LRP1B: variants seen among roughly 807,000 people sequenced by gnomAD.
LRP1B encodes low-density lipoprotein receptor-related protein 1B.
A neutral mutation model predicts 556.6 loss-of-function variants in LRP1B; 217 were observed. The observed-to-expected ratio is 0.39, with a 90% CI of 0.35 to 0.44. The LOEUF (loss-of-function observed/expected upper bound fraction) is 0.44. LRP1B is among the 20% of genes least tolerant of loss of function. The pLI is 1.00. For missense variants in LRP1B, 5,053 were observed against 5,620.8 expected, an observed-to-expected ratio of 0.90 and a Z score of 3.23; for synonymous variants, 2,047 against 1,865.8, an observed-to-expected ratio of 1.10 and a Z score of -2.50.
intron 57 of LRP1B, among the ~76,000 whole-genome samples, chr2:140,490,268 G>A (rs900978310): frequency 1.3e-5 from 2 of 152,192 alleles, no homozygotes; most frequent in Admixed American, 1.3e-4. Context: ...ATATTGGAAA[G>A]GTACTTGATT....
intron 2 of LRP1B, among the ~76,000 whole-genome samples, chr2:141,602,043 T>C (rs1687765405): frequency 6.6e-6 from 1 of 152,088 alleles, no homozygotes; most frequent in Non-Finnish European, 1.5e-5. Flanking sequence ...GCAGAGCAAA[T>C]GACTTGAATT....
chr2:141,603,536 A>G (rs1270697329), intron 2 of LRP1B, among the ~76,000 whole-genome samples: 1 of 152,138 alleles, frequency 6.6e-6, no homozygotes, highest in Non-Finnish European at 1.5e-5. Context: ...TTATAGTGGG[A>G]TCATTCAGAA....
At chr2:140,809,008 C>T (rs950166396) in intron 32 of LRP1B, among the ~76,000 whole-genome samples, 1 of 151,864 alleles carries the variant, frequency 6.6e-6, no homozygotes, top group Non-Finnish European at 1.5e-5. Flanking sequence ...TCTAGTGGTA[C>T]AGTTGGGTGT....
At chr2:141,531,384 G>A (rs1048650452) in intron 2 of LRP1B, among the ~76,000 whole-genome samples, 12 of 151,782 alleles carry the variant, frequency 7.9e-5, no homozygotes, top group Admixed American at 5.9e-4. Context: ...TTCAGATAAC[G>A]TATTAACATA....
chr2:141,343,757 G>A (rs989489184), intron 3 of LRP1B, among the ~76,000 whole-genome samples: 6 of 152,166 alleles, frequency 3.9e-5, no homozygotes, highest in Non-Finnish European at 8.8e-5. Flanking sequence ...CTTACAGGTT[G>A]CTTTTTACCT....
At chr2:140,532,541 C>T (rs920739901) in intron 47 of LRP1B, among the ~76,000 whole-genome samples, 4 of 151,940 alleles carry the variant, frequency 2.6e-5, no homozygotes, top group African/African-American at 7.2e-5. Context: ...GGACTACAGG[C>T]GAGTGCAACC....
chr2:142,052,610 C>G (rs1462597533), intron 1 of LRP1B, among the ~76,000 whole-genome samples: 1 of 152,146 alleles, frequency 6.6e-6, no homozygotes, highest in East Asian at 1.9e-4. Context: ...CTCCCCCTCA[C>G]GTGTAATGGC....
intron 86 of LRP1B, among the ~76,000 whole-genome samples, chr2:140,249,889 G>A (rs1306191574): frequency 6.6e-6 from 1 of 151,786 alleles, no homozygotes; most frequent in Non-Finnish European, 1.5e-5. Context: ...GCCATTAATG[G>A]CAGAGCATTT....
chr2:141,265,242 C>A (rs555391431), intron 3 of LRP1B, among the ~76,000 whole-genome samples: 1 of 152,202 alleles, frequency 6.6e-6, no homozygotes, highest in East Asian at 1.9e-4. Context: ...AGGACACACA[C>A]CCAGGGTGCC....
intron 1 of LRP1B, among the ~76,000 whole-genome samples, chr2:141,871,809 A>G (rs1164139283): frequency 2.0e-5 from 3 of 151,996 alleles, no homozygotes; most frequent in Admixed American, 6.6e-5. Context: ...TCACACTTCA[A>G]AGTCATACAG....
chr2:141,998,018 A>C (rs970566716), intron 1 of LRP1B, among the ~76,000 whole-genome samples: 10 of 152,128 alleles, frequency 6.6e-5, no homozygotes, highest in Non-Finnish European at 1.5e-5. Flanking sequence ...ACTGTTACGT[A>C]TTAAAGTAAA....
chr2:141,580,165 T>A (rs1400290261), intron 2 of LRP1B, among the ~76,000 whole-genome samples: 1 of 152,172 alleles, frequency 6.6e-6, no homozygotes, highest in Non-Finnish European at 1.5e-5. Context: ...AAAATTATCA[T>A]TTTAGGCACT....
At chr2:140,975,312 G>A (rs1696559076) in intron 18 of LRP1B, among the ~76,000 whole-genome samples, 1 of 151,964 alleles carries the variant, frequency 6.6e-6, no homozygotes, top group Non-Finnish European at 1.5e-5. Flanking sequence ...AAAGAGGGAT[G>A]AGACTCAAAC....
chr2:141,139,786 T>C (rs879809475), intron 7 of LRP1B, among the ~76,000 whole-genome samples: 12,571 of 45,312 alleles, frequency 0.28, 577 homozygotes, highest in African/African-American at 0.41. Context: ...GAAAAATGTG[T>C]GTGTGTGTGT....
intron 80 of LRP1B, among the ~76,000 whole-genome samples, chr2:140,325,009 A>AT (rs1440636051): frequency 6.6e-6 from 1 of 152,082 alleles, no homozygotes; most frequent in African/African-American, 2.4e-5. Context: ...GCAAAGCTAT[A>AT]TTCAGTAAAT....
chr2:140,835,792 G>T (rs182068341), intron 31 of LRP1B, among the ~76,000 whole-genome samples: 1,568 of 152,254 alleles, frequency 0.01, 15 homozygotes, highest in Middle Eastern at 0.058. Flanking sequence ...ACCTGCCTCA[G>T]CCTCCCAAAA....
intron 6 of LRP1B, among the ~76,000 whole-genome samples, chr2:141,200,776 G>A (rs1681974605): frequency 6.6e-6 from 1 of 152,050 alleles, no homozygotes. Flanking sequence ...CCCCATATGA[G>A]CAAAGGTCCT....
chr2:141,202,158 T>G (rs1455080304), intron 6 of LRP1B, among the ~76,000 whole-genome samples: 1 of 152,092 alleles, frequency 6.6e-6, no homozygotes, highest in Non-Finnish European at 1.5e-5. Context: ...CCCCACCTCA[T>G]GCGTCCATGT....
At chr2:140,929,070 T>C (rs1212297193) in intron 20 of LRP1B, among the ~76,000 whole-genome samples, 1 of 152,136 alleles carries the variant, frequency 6.6e-6, no homozygotes, top group Admixed American at 6.6e-5. Context: ...TTAAAGTTTT[T>C]GCGAGCTGTT....
Sources: gnomAD v4.1 joint callset for allele counts (sites outside exome capture counted in the v4.1 genomes callset) on GRCh38, gnomAD v4.1.1 for gene constraint, MANE v1.5 for transcripts, NCBI Gene and HGNC (gene_info 2026-07-23, HGNC 2026-07-21) for gene names.